The following VPS13D variants were observed in gnomAD, a reference collection of about 807,000 sequenced individuals.
The protein encoded by VPS13D is intermembrane lipid transfer protein VPS13D.
A neutral mutation model predicts 461.9 loss-of-function variants in VPS13D; 187 were observed. The observed-to-expected ratio is 0.40, with a 90% CI of 0.36 to 0.46. VPS13D has a LOEUF of 0.46. Ranked by LOEUF, VPS13D falls within the 20% of genes least tolerant of loss-of-function variation. The pLI is 0.60. For synonymous variants in VPS13D, 1,951 were observed against 1,986.3 expected (o/e 0.98, Z 0.47); for missense variants, 4,711 against 5,364.9 (o/e 0.88, Z 3.81).
rs369068455 is a variant in VPS13D at position 12,373,732 on chromosome 1, A to G, written c.10809-18A>G. ...GTATATATATTTTTATGTAATATAT[A>G]TATTTTTTAAATTCTAGCTTGCAGG... On this transcript the variant is annotated intron_variant, in intron 54 of 69. Coordinates refer to ENST00000620676, the MANE Select transcript of VPS13D (RefSeq NM_015378.4). 1.4e-6 allele frequency: 2 copies of G among 1,395,222 alleles called. No homozygotes were observed. Among genetic ancestry groups the G allele is most frequent in the Non-Finnish European group, 1.9e-6 (2 of 1,069,120 alleles). The allele number at this position is 1,395,222 out of a possible 1,614,324, so 86.4% of individuals were successfully genotyped here.
In VPS13D at chr1:12,478,359, G is replaced by A. The variant is rs115000241; in HGVS notation, c.12662+17963G>A. On this transcript the variant is annotated intron_variant, in intron 67 of 69. Transcript: ENST00000620676. ...CGAAAAGGAGATAATATGAGCCTTC[G>A]TGATGATCTGAAAGGGGGAGGTTCT... 6.0e-3 allele frequency among the ~76,000 whole-genome samples: 911 copies of A among 152,368 alleles called. 14 individuals are homozygous for A. The highest frequency in any genetic ancestry group is 0.021 in the African/African-American group (864 of 41,592).
At chr1:12,255,294 C>T (rs1640882112) in intron 7 of VPS13D, among the ~76,000 whole-genome samples, 1 of 152,130 alleles carries the variant, frequency 6.6e-6, no homozygotes, top group African/African-American at 2.4e-5. Flanking sequence ...TACAGTAAAA[C>T]AATATGCAGC....
At chr1:12,371,407 T>G (rs1290749230) in intron 54 of VPS13D, among the ~76,000 whole-genome samples, 1 of 150,768 alleles carries the variant, frequency 6.6e-6, no homozygotes, top group Non-Finnish European at 1.5e-5. Flanking sequence ...TTTTTTTTTT[T>G]GAGACCGAGT....
intron 67 of VPS13D, among the ~76,000 whole-genome samples, chr1:12,479,106 G>C (rs919065201): frequency 6.6e-6 from 1 of 152,242 alleles, no homozygotes; most frequent in Admixed American, 6.5e-5. Context: ...AATAGGGAGG[G>C]CATGTAGAAA....
At chr1:12,492,179 T>C (rs1645891825) in intron 67 of VPS13D, among the ~76,000 whole-genome samples, 2 of 152,368 alleles carry the variant, frequency 1.3e-5, no homozygotes, top group East Asian at 3.9e-4. Flanking sequence ...GTGGTGGGCC[T>C]GAGTCGTTTA....
At position 12,279,229 on chromosome 1, in the gene VPS13D, C is replaced by T. The variant is rs548801647; in HGVS notation, c.4451-270C>T. Among the ~76,000 whole-genome samples the T allele has an allele frequency of 1.2e-4, 19 of 152,290 alleles. No individual in the cohort carries two copies. Among genetic ancestry groups the T allele is most frequent in the African/African-American group, 3.6e-4 (15 of 41,562 alleles). The stretch of plus-strand genomic sequence containing the variant: ...TGGACTGGAATAATGTTCACCACAT[C>T]GTGCTTTGAAGCTACCAAGTGGAGC... On this transcript the variant is annotated intron_variant, in intron 19 of 69. Coordinates refer to ENST00000620676, the MANE Select transcript of VPS13D (RefSeq NM_015378.4). This position sits in a 1 kb window ranked among gnomAD's most constrained non-coding sequence, Gnocchi z 4.3.
intron 65 of VPS13D, among the ~76,000 whole-genome samples, chr1:12,422,693 C>T (rs1407012687): frequency 6.6e-6 from 1 of 152,130 alleles, no homozygotes; most frequent in Non-Finnish European, 1.5e-5. Context: ...GTTGGTTAGG[C>T]TTGGTGAGAG....
intron 54 of VPS13D, 88 bp from the exon 55 acceptor site, chr1:12,373,662 C>A: frequency 1.3e-6 from 1 of 772,466 alleles, no homozygotes; most frequent in African/African-American, 1.8e-5. Context: ...TGGGCATTTG[C>A]TTATTAATAC....
At chr1:12,401,790 T>G (rs565727090) in intron 62 of VPS13D, 86 bp downstream of exon 62, 1 of 1,068,606 alleles carries the variant, frequency 9.4e-7, no homozygotes, top group East Asian at 2.4e-5. Context: ...GGTAGCCCCT[T>G]GGTGTCTGAT....
At position 12,495,861 on chromosome 1, in the gene VPS13D, A is replaced by G. The variant is rs953082283; in HGVS notation, c.12663-1639A>G. Among the ~76,000 whole-genome samples, 1 of 152,200 alleles carries G rather than the reference A, an allele frequency of 6.6e-6. No individual in the cohort carries two copies. Among genetic ancestry groups the G allele is most frequent in the Non-Finnish European group, 1.5e-5 (1 of 68,028 alleles). ...ATGACAGCAAGTGCTTTGCTAGGCA[A>G]GGAGATAAGAACAGAGCTCTGCTAC... On this transcript the variant is annotated intron_variant, in intron 67 of 69. Coordinates refer to ENST00000620676, the MANE Select transcript of VPS13D (RefSeq NM_015378.4). The surrounding 1 kb of genome is among the most constrained non-coding windows in gnomAD (Gnocchi z 4.0).
At chr1:12,508,864 C>G (rs1361833169) in intron 69 of VPS13D, 29 bp from the exon 70 acceptor site, 2 of 1,608,212 alleles carry the variant, frequency 1.2e-6, no homozygotes, top group Non-Finnish European at 1.7e-6. Flanking sequence ...ATCCTGGGGA[C>G]AGGTGACCCA....
chr1:12,461,095 C>G lies in VPS13D; in HGVS notation c.12662+699C>G, dbSNP rs954032324. On this transcript the variant is annotated intron_variant, in intron 67 of 69. Coordinates refer to ENST00000620676, the MANE Select transcript of VPS13D (RefSeq NM_015378.4). ...GTTTGCTTGAATGGCCTATTTTAGC[C>G]TCCCTTTTCCAGAGTGACTAATTGG... 3.9e-5 allele frequency among the ~76,000 whole-genome samples: 6 copies of G among 152,290 alleles called. No homozygotes were observed. The South Asian group carries it at 1.2e-3, about 32-fold the overall frequency.
intron 67 of VPS13D, among the ~76,000 whole-genome samples, chr1:12,465,912 G>A (rs752740231): frequency 3.9e-5 from 6 of 152,054 alleles, no homozygotes; most frequent in Non-Finnish European, 8.8e-5. Flanking sequence ...CGAGGTGGGC[G>A]GATCACGAGG....
In VPS13D at chr1:12,379,376, G is replaced by T. The variant is rs1644242224; in HGVS notation, c.11082-112G>T. On this transcript the variant is annotated intron_variant, in intron 56 of 69. Transcript: ENST00000620676. ...AAGCTAACTACCCATTCAGTTTTAAGGGTGGAGGGCATTAGAAGGAAGAAG... is the reference window on the plus strand; with the variant it reads ...AAGCTAACTACCCATTCAGTTTTAATGGTGGAGGGCATTAGAAGGAAGAAG... The T allele has an allele frequency of 4.4e-6, 4 of 917,134 alleles. No homozygotes were observed. In the Admixed American group the frequency reaches 7.3e-5, roughly 17 times the overall value. The allele number at this position is 917,134 out of a possible 1,614,324, so 56.8% of individuals were successfully genotyped here. A position where few individuals can be genotyped will look rare whatever the true frequency, so the allele number is the denominator to read the frequency against.
intron 10 of VPS13D, among the ~76,000 whole-genome samples, chr1:12,259,857 C>T (rs1350378906): frequency 2.0e-5 from 3 of 152,072 alleles, no homozygotes; most frequent in African/African-American, 7.2e-5. Context: ...AGAGCTAGGG[C>T]CTGCACACTT....
At chr1:12,479,573 CAG>C (rs1288598172) in intron 67 of VPS13D, among the ~76,000 whole-genome samples, 4 of 152,182 alleles carry the variant, frequency 2.6e-5, no homozygotes, top group Non-Finnish European at 5.9e-5. Context: ...TTGAGGCACA[CAG>C]GGGATACGTA....
intron 52 of VPS13D, among the ~76,000 whole-genome samples, chr1:12,365,038 T>A (rs1197138491): frequency 6.6e-6 from 1 of 152,218 alleles, no homozygotes; most frequent in African/African-American, 2.4e-5. Context: ...CATTAAATGA[T>A]CTTGGTACTG....
chr1:12,371,284 T>C (rs1223580513), intron 54 of VPS13D, among the ~76,000 whole-genome samples: 1 of 152,184 alleles, frequency 6.6e-6, no homozygotes, highest in Non-Finnish European at 1.5e-5. Flanking sequence ...ATTCTGGACA[T>C]TCACAGAAAT....
At chr1:12,311,709 G>T in intron 28 of VPS13D, 84 bp downstream of exon 28, 1 of 1,586,058 alleles carries the variant, frequency 6.3e-7, no homozygotes, top group South Asian at 1.1e-5. Flanking sequence ...AACTCACTTG[G>T]AGAAAGAAGG....
Sources: gnomAD v4.1 joint callset for allele counts (sites outside exome capture counted in the v4.1 genomes callset) on GRCh38, gnomAD v4.1.1 for gene constraint, Gnocchi (gnomAD v3.1) non-coding constraint, MANE v1.5 for transcripts, NCBI Gene and HGNC (gene_info 2026-07-23, HGNC 2026-07-21) for gene names.